The following PREPL variants were observed in gnomAD, a reference collection of about 807,000 sequenced individuals.
PREPL encodes prolyl endopeptidase like.
Under a neutral mutation model 70.6 loss-of-function variants are expected in PREPL, and 77 were observed. The observed-to-expected ratio is 1.09, with a 90% confidence interval of 0.91 to 1.32. PREPL has a LOEUF of 1.32. Ranked by LOEUF, PREPL falls within the 40% of genes most tolerant of loss-of-function variation. PREPL has a pLI of 0.00. For missense variants in PREPL, 1,002 were observed against 778.2 expected (o/e 1.29, Z -3.42); for synonymous variants, 315 against 264.8 (o/e 1.19, Z -1.84).
chr2:44,325,477 T>A lies in PREPL; in HGVS notation c.1479+1235A>T, dbSNP rs144410340. Among the ~76,000 whole-genome samples the A allele has an allele frequency of 2.5e-3, 381 of 152,308 alleles. 1 individual carries two copies. Among genetic ancestry groups the A allele is most frequent in the Middle Eastern group, 0.01 (3 of 294 alleles). On this transcript the variant is annotated intron_variant, in intron 10 of 13. Transcript: ENST00000409411. The stretch of plus-strand genomic sequence containing the variant: ...TAATGCCCTTTAATCCCTTTTCTGC[T>A]TAAATTAGGGTTGATTTTTGGTGCT...
At chr2:44,333,949 C>A (rs139522790) in intron 7 of PREPL, among the ~76,000 whole-genome samples, 1 of 152,292 alleles carries the variant, frequency 6.6e-6, no homozygotes, top group East Asian at 1.9e-4. Flanking sequence ...GACTTCAGGA[C>A]AGTCTCTATG....
Position 44,320,858 on chromosome 2 carries a change from A to T in PREPL, c.*498T>A, listed in dbSNP as rs1672882002. 3.5e-6 allele frequency: 2 copies of T among 565,646 alleles called. No individual in the cohort carries two copies. Among genetic ancestry groups the T allele is most frequent in the Non-Finnish European group, 6.3e-6 (2 of 318,096 alleles). The allele number at this position is 565,646 out of a possible 1,614,324, so 35.0% of individuals were successfully genotyped here. The stretch of plus-strand genomic sequence containing the variant: ...TATAGGAGCTTATAACTTTATTCAG[A>T]TAGCATCAATCAGGGATGACCAGAA... On this transcript the variant is annotated 3_prime_UTR_variant, in exon 14 of 14. Transcript: ENST00000409411.
chr2:44,321,254 CTTAAAAGTCTCAAG>C lies in PREPL; in HGVS notation c.*88_*101del. On this transcript the variant is annotated 3_prime_UTR_variant, in exon 14 of 14. Coordinates refer to ENST00000409411, the MANE Select transcript of PREPL (RefSeq NM_001171613.2). The stretch of plus-strand genomic sequence containing the variant: ...GAAGCACATTTTAAAAAATTAATAA[CTTAAAAGTCTCAAG>C]TTATTAATTTTTTTTTTGCTAACTC... 9.7e-7 allele frequency: 1 copy of C among 1,034,046 alleles called. No individual in the cohort carries two copies. 64.1% of individuals were successfully genotyped at this position (1,034,046 alleles called of 1,614,324 possible).
chr2:44,359,378 G>A (rs775051463), intron 1 of PREPL: 1 of 841,604 alleles, frequency 1.2e-6, no homozygotes, highest in African/African-American at 1.7e-5. Flanking sequence ...TTGAAAATTA[G>A]AAAAATCAAG....
chr2:44,360,588 T>C (rs1476263780), intron 1 of PREPL: 1 of 152,214 alleles, frequency 6.6e-6, no homozygotes, highest in Non-Finnish European at 1.5e-5. Context: ...TTAACCTTGA[T>C]TGCTAATAAG....
intron 4 of PREPL, among the ~76,000 whole-genome samples, chr2:44,343,137 G>T (rs1023436845): frequency 6.6e-6 from 1 of 152,194 alleles, no homozygotes; most frequent in Non-Finnish European, 1.5e-5. Context: ...CAAAATATAT[G>T]TCTTAGAATT....
Position 44,342,566 on chromosome 2 carries a change from A to T in PREPL, c.350-14T>A, listed in dbSNP as rs962686432. 3 of 1,547,732 alleles carry T rather than the reference A, an allele frequency of 1.9e-6. No homozygotes were observed. In the Admixed American group the frequency reaches 5.5e-5, roughly 28 times the overall value. ...CCTTTACCCATTCTGAAAGAAAATA[A>T]TGAGATAATTATACATAATCACCTA... On this transcript the variant is annotated splice_polypyrimidine_tract_variant and intron_variant, in intron 4 of 13. Coordinates refer to ENST00000409411, the MANE Select transcript of PREPL (RefSeq NM_001171613.2).
At chr2:44,329,911 A>C (rs1286642072) in intron 8 of PREPL, among the ~76,000 whole-genome samples, 1 of 152,212 alleles carries the variant, frequency 6.6e-6, no homozygotes, top group Non-Finnish European at 1.5e-5. Context: ...TGCTTAAACT[A>C]ATGAAATAGC....
chr2:44,345,966 AC>A (rs1675767607), intron 2 of PREPL, among the ~76,000 whole-genome samples: 1 of 151,522 alleles, frequency 6.6e-6, no homozygotes, highest in Non-Finnish European at 1.5e-5. Context: ...ACACAGTGAG[AC>A]CCTGTCTCTT....
chr2:44,326,040 T>C (rs956883574), intron 10 of PREPL, among the ~76,000 whole-genome samples: 1 of 152,190 alleles, frequency 6.6e-6, no homozygotes, highest in Admixed American at 6.5e-5. Flanking sequence ...TGATGGGCAG[T>C]AGCCTGTCAA....
chr2:44,351,587 C>T (rs1213919231), intron 1 of PREPL, among the ~76,000 whole-genome samples: 3 of 151,830 alleles, frequency 2.0e-5, no homozygotes, highest in Non-Finnish European at 4.4e-5. Context: ...TCTGTCCTCC[C>T]AGCTACTCAG....
At chr2:44,328,250 CAG>C (rs1260362177) in intron 9 of PREPL, among the ~76,000 whole-genome samples, 3 of 127,644 alleles carry the variant, frequency 2.4e-5, no homozygotes, top group Admixed American at 9.0e-5. Context: ...GCCTGGGCGA[CAG>C]AGCAAGATTC....
chr2:44,347,603 T>A (rs1357694432), intron 1 of PREPL, among the ~76,000 whole-genome samples: 1 of 152,226 alleles, frequency 6.6e-6, no homozygotes, highest in Non-Finnish European at 1.5e-5. Context: ...AAACCTGTTA[T>A]CAAATTTAAA....
chr2:44,356,878 C>T (rs1677104169), intron 1 of PREPL, among the ~76,000 whole-genome samples: 1 of 141,024 alleles, frequency 7.1e-6, no homozygotes, highest in Non-Finnish European at 1.6e-5. Context: ...GCCTCAACCT[C>T]ACTGCAGCCT....
Position 44,320,190 on chromosome 2 carries a change from A to C in PREPL, c.*1166T>G. Reference sequence around the variant, plus strand: ...AAACACTTACGTAAATACTTTTTTAAAAAAATAGGTCCAAAAGACTCAGCC... The same window carrying C: ...AAACACTTACGTAAATACTTTTTTACAAAAATAGGTCCAAAAGACTCAGCC... On this transcript the variant is annotated 3_prime_UTR_variant, in exon 14 of 14. Transcript: ENST00000409411. 1 of 1,608,104 alleles carries C rather than the reference A, an allele frequency of 6.2e-7. No individual in the cohort carries two copies. Among genetic ancestry groups the C allele is most frequent in the Non-Finnish European group, 8.5e-7 (1 of 1,175,550 alleles).
At chr2:44,353,977 A>T (rs1219725188) in intron 1 of PREPL, among the ~76,000 whole-genome samples, 2 of 152,160 alleles carry the variant, frequency 1.3e-5, no homozygotes, top group African/African-American at 4.8e-5. Flanking sequence ...CCCGCACAAC[A>T]AAGTGAGACC....
At chr2:44,337,729 C>G (rs1213222353) in intron 7 of PREPL, among the ~76,000 whole-genome samples, 1 of 152,160 alleles carries the variant, frequency 6.6e-6, no homozygotes, top group African/African-American at 2.4e-5. Context: ...AGGAAGTTCA[C>G]TTGTGAAGGC....
At chr2:44,351,523 A>T (rs977341566) in intron 1 of PREPL, among the ~76,000 whole-genome samples, 1 of 152,000 alleles carries the variant, frequency 6.6e-6, no homozygotes, top group Non-Finnish European at 1.5e-5. Context: ...TTAAAAAAAA[A>T]AAAAACAAAA....
Position 44,344,673 on chromosome 2 carries a change from ACT to A in PREPL, c.76-89_76-88del, listed in dbSNP as rs138539890. 3,529 of 1,005,344 alleles carry A rather than the reference ACT, an allele frequency of 3.5e-3. 98 individuals carry two copies. The African/African-American group carries it at 0.052, about 15-fold the overall frequency. 62.3% of individuals were successfully genotyped at this position (1,005,344 alleles called of 1,614,324 possible). A position where few individuals can be genotyped will look rare whatever the true frequency, so the allele number is the denominator to read the frequency against. The stretch of plus-strand genomic sequence containing the variant: ...TATTCAAGATGAAGATGAAATGAAG[ACT>A]CTTATAAAAAACAGACCTGTTGAAG... On this transcript the variant is annotated intron_variant, in intron 2 of 13. Coordinates refer to ENST00000409411, the MANE Select transcript of PREPL (RefSeq NM_001171613.2).
Sources: gnomAD v4.1 joint callset for allele counts (sites outside exome capture counted in the v4.1 genomes callset) on GRCh38, gnomAD v4.1.1 for gene constraint, MANE v1.5 for transcripts, NCBI Gene and HGNC (gene_info 2026-07-23, HGNC 2026-07-21) for gene names.